ARHGAP35: variants seen among roughly 807,000 people sequenced by gnomAD.
The protein encoded by ARHGAP35 is Rho GTPase activating protein 35.
A neutral mutation model predicts 111.1 loss-of-function variants in ARHGAP35; 15 were observed. That is an observed-to-expected ratio of 0.13 (90% CI 0.09 to 0.21). The LOEUF (loss-of-function observed/expected upper bound fraction) is 0.21. ARHGAP35 is among the 10% of genes least tolerant of loss of function. ARHGAP35 has a pLI of 1.00. For synonymous variants in ARHGAP35, 643 were observed against 710.3 expected (o/e 0.91, Z 1.51); for missense variants, 1,262 against 1,873.0 (o/e 0.67, Z 6.02).
rs553515041 is a variant in ARHGAP35 at position 46,956,301 on chromosome 19, G to A, written c.3826+18893G>A. 2.6e-5 allele frequency among the ~76,000 whole-genome samples: 4 copies of A among 152,142 alleles called. No individual in the cohort carries two copies. The South Asian group carries it at 6.2e-4, about 24-fold the overall frequency. On this transcript the variant is annotated intron_variant, in intron 3 of 6. Coordinates refer to ENST00000672722, the MANE Select transcript of ARHGAP35 (RefSeq NM_004491.5). ...CCATTGCACTGCAACCTGGGTGATA[G>A]AGCAAGACCCTGTCTCAAAAAAAAA...
intron 3 of ARHGAP35, chr19:46,948,671 C>T (rs2056394690): frequency 6.6e-6 from 1 of 152,206 alleles, no homozygotes; most frequent in African/African-American, 2.4e-5. Flanking sequence ...CACACAAGAC[C>T]ATGAACCGCG....
Position 46,987,999 on chromosome 19 carries a change from G to A in ARHGAP35, c.3837G>A (p.Thr1279=), listed in dbSNP as rs931092249. Residue 1279 remains threonine, a synonymous_variant, in exon 4 of 7, where the codon ACG becomes ACA. Transcript: ENST00000672722. ...IEYIEATGLS[T]EGIYRVSGNK... Reference sequence around the variant, plus strand: ...CCTGTTTCTCCTCAGGACTGAGCACGGAAGGCATCTACCGGGTCAGCGGGA... The same window carrying A: ...CCTGTTTCTCCTCAGGACTGAGCACAGAAGGCATCTACCGGGTCAGCGGGA... The A allele has an allele frequency of 9.3e-6, 15 of 1,613,716 alleles. No individual in the cohort carries two copies. Among genetic ancestry groups the A allele is most frequent in the Non-Finnish European group, 1.2e-5 (14 of 1,179,838 alleles).
intron 3 of ARHGAP35, among the ~76,000 whole-genome samples, chr19:46,975,379 T>C (rs550584598): frequency 6.6e-6 from 1 of 152,246 alleles, no homozygotes; most frequent in East Asian, 1.9e-4. Flanking sequence ...GAGAGGAGGC[T>C]GCCAGCCTCT....
At chr19:46,982,723 G>C (rs961669554) in intron 3 of ARHGAP35, among the ~76,000 whole-genome samples, 5 of 152,080 alleles carry the variant, frequency 3.3e-5, no homozygotes, top group Admixed American at 3.3e-4. Context: ...GCCAGCAGCA[G>C]CAGCATCATC....
intron 3 of ARHGAP35, among the ~76,000 whole-genome samples, chr19:46,955,033 A>T (rs1199168280): frequency 2.0e-5 from 3 of 152,186 alleles, no homozygotes; most frequent in Non-Finnish European, 4.4e-5. Flanking sequence ...AATTCTTCTG[A>T]GCCTTGGATA....
At chr19:46,985,718 G>C (rs987604313) in intron 3 of ARHGAP35, among the ~76,000 whole-genome samples, 7 of 152,162 alleles carry the variant, frequency 4.6e-5, no homozygotes, top group Non-Finnish European at 7.3e-5. Context: ...TCTCCCAGGC[G>C]AGTACAGCAG....
Position 46,989,489 on chromosome 19 carries a change from G to A in ARHGAP35, c.3905-55G>A. ...CCTCTCCTGAGCCCCGAGTTGTCCT[G>A]ATGCTTCTGCCTGGCTTAGAATGGT... On this transcript the variant is annotated intron_variant, in intron 4 of 6. Transcript: ENST00000672722. The surrounding 1 kb of genome is among the most constrained non-coding windows in gnomAD (Gnocchi z 5.3). 1 of 1,607,810 alleles carries A rather than the reference G, an allele frequency of 6.2e-7. No homozygotes were observed. Among genetic ancestry groups the A allele is most frequent in the Non-Finnish European group, 8.5e-7 (1 of 1,176,118 alleles).
chr19:46,945,166 G>A lies in ARHGAP35; in HGVS notation c.3826+7758G>A, dbSNP rs1222585483. On this transcript the variant is annotated intron_variant, in intron 3 of 6. Transcript: ENST00000672722. This position sits in a 1 kb window ranked among gnomAD's most constrained non-coding sequence, Gnocchi z 4.1. ...CCGCCACTGAGAGTGGGAAGGAGGC[G>A]GGGTTGAGGGGGAGCTTAGGAGGCG... is the stretch of plus-strand genomic sequence containing the variant. 6.6e-6 allele frequency among the ~76,000 whole-genome samples: 1 copy of A among 151,910 alleles called. No individual in the cohort carries two copies. The highest frequency in any genetic ancestry group is 2.4e-5 in the African/African-American group (1 of 41,396).
At chr19:46,956,200 C>T (rs1043925804) in intron 3 of ARHGAP35, among the ~76,000 whole-genome samples, 6 of 152,254 alleles carry the variant, frequency 3.9e-5, no homozygotes, top group Admixed American at 6.5e-5. Flanking sequence ...CACCTGTAGT[C>T]CCAGCTACTT....
chr19:46,989,339 C>A lies in ARHGAP35; in HGVS notation c.3905-205C>A. 2 of 573,808 alleles carry A rather than the reference C, an allele frequency of 3.5e-6. No individual in the cohort carries two copies. Among genetic ancestry groups the A allele is most frequent in the South Asian group, 2.1e-5 (1 of 47,858 alleles). 35.5% of individuals were successfully genotyped at this position (573,808 alleles called of 1,614,324 possible). On this transcript the variant is annotated intron_variant, in intron 4 of 6. Transcript: ENST00000672722. The surrounding 1 kb of genome is among the most constrained non-coding windows in gnomAD (Gnocchi z 5.3). ...GTGGTAGAAGGGGCAGTTCAGCAGT[C>A]TCGGAAAGAGGTGCTGGGGCCAGCC...
intron 5 of ARHGAP35, among the ~76,000 whole-genome samples, chr19:46,998,730 G>A (rs954815455): frequency 4.6e-5 from 7 of 152,244 alleles, no homozygotes; most frequent in African/African-American, 1.2e-4. Context: ...AAGTGTGGGC[G>A]TTGGGGGAAA....
At chr19:46,976,834 G>C (rs940324957) in intron 3 of ARHGAP35, among the ~76,000 whole-genome samples, 2 of 152,212 alleles carry the variant, frequency 1.3e-5, no homozygotes, top group African/African-American at 2.4e-5. Context: ...TGGGGGCTCC[G>C]GTGGCCCTTG....
Position 46,919,747 on chromosome 19 carries a change from A to G in ARHGAP35, c.1072A>G (p.Ile358Val). The G allele has an allele frequency of 6.2e-7, 1 of 1,614,046 alleles. No individual in the cohort carries two copies. Among genetic ancestry groups the G allele is most frequent in the South Asian group, 1.1e-5 (1 of 91,082 alleles). Residue 358 changes from isoleucine to valine, a missense_variant, in exon 2 of 7, where the codon ATA becomes GTA. Ile to Val is a conservative substitution (Grantham distance 29). This residue lies in a region of ARHGAP35 where 328 missense variants were observed against 440.8 expected (regional missense o/e 0.74). Coordinates refer to ENST00000672722, the MANE Select transcript of ARHGAP35 (RefSeq NM_004491.5). This position sits in a 1 kb window ranked among gnomAD's most constrained non-coding sequence, Gnocchi z 6.2. ...FEALIPNLDEIDHLSCIKAKK... is the reference protein window; with the variant it reads ...FEALIPNLDEVDHLSCIKAKK... Reference sequence around the variant, plus strand: ...AGCTCTTATACCTAATCTAGATGAAATAGACCACCTAAGCTGCATAAAAGC... The same window carrying G: ...AGCTCTTATACCTAATCTAGATGAAGTAGACCACCTAAGCTGCATAAAAGC...
intron 1 of ARHGAP35, among the ~76,000 whole-genome samples, chr19:46,863,713 C>G (rs552346021): frequency 9.2e-5 from 14 of 151,828 alleles, no homozygotes; most frequent in Non-Finnish European, 1.9e-4. Flanking sequence ...TTACCTCTAG[C>G]TGGGGAAATG....
intron 1 of ARHGAP35, among the ~76,000 whole-genome samples, chr19:46,912,659 T>C (rs548057632): frequency 6.6e-6 from 1 of 152,282 alleles, no homozygotes; most frequent in South Asian, 2.1e-4. Context: ...CCTGGTCGTG[T>C]TCTCTTCTTA....
rs757860033 is a variant in ARHGAP35, at chr19:46,989,685, G to A, written c.4036+10G>A. On this transcript the variant is annotated intron_variant, in intron 5 of 6. Transcript: ENST00000672722. The surrounding 1 kb of genome is among the most constrained non-coding windows in gnomAD (Gnocchi z 5.3). ...TTGGTGGAAGCACACAGTGAGTACCGGCAGCCCAGTGTTGGGCGGATTGAG... is the reference window on the plus strand; with the variant it reads ...TTGGTGGAAGCACACAGTGAGTACCAGCAGCCCAGTGTTGGGCGGATTGAG... 13 of 1,613,444 alleles carry A rather than the reference G, an allele frequency of 8.1e-6. No individual in the cohort carries two copies. Among genetic ancestry groups the A allele is most frequent in the African/African-American group, 1.3e-5 (1 of 74,920 alleles).
In ARHGAP35 at chr19:46,918,713, C is replaced by T. The variant is rs773359003; in HGVS notation, c.38C>T (p.Thr13Ile). The change falls in exon 2 of 7, where the codon ACC becomes ATC. Residue 13 changes from threonine (T) to isoleucine (I), a missense_variant. Physicochemically the swap from Thr to Ile is moderately conservative, Grantham distance 89. Coordinates refer to ENST00000672722, the MANE Select transcript of ARHGAP35 (RefSeq NM_004491.5). The surrounding 1 kb of genome is among the most constrained non-coding windows in gnomAD (Gnocchi z 5.4). ...MARKQDVRIP[T>I]YNISVVGLSG... ...AGAAAGCAAGATGTCCGAATTCCCA[C>T]CTACAACATCAGTGTGGTGGGATTA... 1.1e-5 allele frequency: 17 copies of T among 1,613,556 alleles called. No homozygotes were observed. The highest frequency in any genetic ancestry group is 1.4e-5 in the Non-Finnish European group (16 of 1,179,688).
chr19:46,985,871 T>C (rs560750004), intron 3 of ARHGAP35, among the ~76,000 whole-genome samples: 1 of 108,816 alleles, frequency 9.2e-6, no homozygotes, highest in South Asian at 3.6e-4. Flanking sequence ...TCCAGTGTTC[T>C]TGAAGCCTCA....
At chr19:46,937,754 A>T (rs552053470) in intron 3 of ARHGAP35, among the ~76,000 whole-genome samples, 1 of 151,910 alleles carries the variant, frequency 6.6e-6, no homozygotes, top group Admixed American at 6.6e-5. Context: ...AGATCTGTGA[A>T]CTCCTTGAGG....
Sources: allele counts gnomAD v4.1 joint callset (sites outside exome capture counted in the v4.1 genomes callset), GRCh38; gene constraint gnomAD v4.1.1; regional missense constraint gnomAD v4.1.1; non-coding constraint Gnocchi (gnomAD v3.1); transcripts MANE v1.5; gene names NCBI Gene and HGNC (gene_info 2026-07-23, HGNC 2026-07-21).